CNTNAP2: variants seen among roughly 807,000 people sequenced by gnomAD.
The protein encoded by CNTNAP2 is contactin-associated protein-like 2.
CNTNAP2 carries 98 observed loss-of-function variants against 155.2 expected under a neutral mutation model. The ratio of observed to expected loss-of-function variants is 0.63; its 90% CI spans 0.54 to 0.75. The LOEUF (loss-of-function observed/expected upper bound fraction) is 0.75, where lower values mean the gene tolerates loss of function less well. CNTNAP2 is among the 30% of genes least tolerant of loss of function. The pLI, the probability that CNTNAP2 is intolerant of heterozygous loss-of-function variation, is 0.00. For missense variants in CNTNAP2, 1,727 were observed against 1,688.1 expected, an observed-to-expected ratio of 1.02 and a Z score of -0.40; for synonymous variants, 651 against 631.2, an observed-to-expected ratio of 1.03 and a Z score of -0.47.
intron 8 of CNTNAP2, among the ~76,000 whole-genome samples, chr7:147,231,795 T>G (rs1803686892): frequency 6.6e-6 from 1 of 152,230 alleles, no homozygotes; most frequent in Non-Finnish European, 1.5e-5. Context: ...AACATTGAGT[T>G]GTGTGAGATC....
intron 8 of CNTNAP2, among the ~76,000 whole-genome samples, chr7:147,157,999 T>C (rs1019494170): frequency 7.2e-5 from 11 of 152,120 alleles, no homozygotes; most frequent in African/African-American, 1.9e-4. Flanking sequence ...ACAAAAACAA[T>C]TTATATGCTT....
chr7:147,538,876 T>C lies in CNTNAP2; in HGVS notation c.1778-23262T>C, dbSNP rs1408709428. Reference sequence around the variant, plus strand: ...AAAAGCATTAGGACCCCTAGTAAGATGCTCCAGGGAGTGTGTTTTCAGCTC... The same window carrying C: ...AAAAGCATTAGGACCCCTAGTAAGACGCTCCAGGGAGTGTGTTTTCAGCTC... On this transcript the variant is annotated intron_variant, in intron 11 of 23. Transcript: ENST00000361727. Among the ~76,000 whole-genome samples the C allele has an allele frequency of 2.0e-5, 3 of 152,144 alleles. No individual in the cohort carries two copies. In the East Asian group the frequency reaches 5.8e-4, roughly 29 times the overall value.
chr7:148,115,110 C>G lies in CNTNAP2; in HGVS notation c.2384-3008C>G, dbSNP rs537042666. Among the ~76,000 whole-genome samples the G allele has an allele frequency of 5.3e-5, 8 of 152,330 alleles. No individual in the cohort carries two copies. In the South Asian group the frequency reaches 1.4e-3, roughly 28 times the overall value. On this transcript the variant is annotated intron_variant, in intron 15 of 23. Coordinates refer to ENST00000361727, the MANE Select transcript of CNTNAP2 (RefSeq NM_014141.6). ...AGGCATGACTTCCCCGTGAATGAGT[C>G]TATTCAAGAGATCAAATTAGATTGA...
At chr7:146,615,948 C>T (rs1563157712) in intron 1 of CNTNAP2, among the ~76,000 whole-genome samples, 1 of 152,166 alleles carries the variant, frequency 6.6e-6, no homozygotes, top group Non-Finnish European at 1.5e-5. Flanking sequence ...TTAATACTCA[C>T]GTATTTGCTC....
chr7:147,809,748 G>A (rs1159690848), intron 13 of CNTNAP2, among the ~76,000 whole-genome samples: 1 of 152,064 alleles, frequency 6.6e-6, no homozygotes, highest in African/African-American at 2.4e-5. Flanking sequence ...ATTTGTATAG[G>A]GAATGAGACA....
intron 5 of CNTNAP2, among the ~76,000 whole-genome samples, chr7:147,117,284 G>T (rs1357022352): frequency 6.6e-6 from 1 of 152,126 alleles, no homozygotes; most frequent in Non-Finnish European, 1.5e-5. Context: ...CAAGGCTCTG[G>T]TGTCATGGGC....
At chr7:146,723,156 G>A (rs1463524259) in intron 1 of CNTNAP2, among the ~76,000 whole-genome samples, 1 of 152,100 alleles carries the variant, frequency 6.6e-6, no homozygotes, top group Non-Finnish European at 1.5e-5. Context: ...AAGTTGACTG[G>A]TGTCCTTACA....
At chr7:146,157,638 T>A (rs912263287) in intron 1 of CNTNAP2, among the ~76,000 whole-genome samples, 1 of 152,106 alleles carries the variant, frequency 6.6e-6, no homozygotes, top group Non-Finnish European at 1.5e-5. Flanking sequence ...CACTCACTGC[T>A]AGCACAGCAG....
intron 8 of CNTNAP2, among the ~76,000 whole-genome samples, chr7:147,277,740 G>A (rs12703890): frequency 0.088 from 13,317 of 150,766 alleles, 611 homozygotes; most frequent in South Asian, 0.11. Flanking sequence ...CATTTCTTCC[G>A]TCTATAAAGT....
chr7:147,395,553 T>G, intron 9 of CNTNAP2, 56 bp from the exon 10 acceptor site: 2 of 1,572,510 alleles, frequency 1.3e-6, no homozygotes, highest in South Asian at 2.2e-5. Flanking sequence ...CACAAGAATT[T>G]TAGTGAAGGT....
intron 3 of CNTNAP2, among the ~76,000 whole-genome samples, chr7:146,895,299 G>A (rs1398063564): frequency 5.5e-5 from 6 of 108,464 alleles, no homozygotes; most frequent in East Asian, 2.8e-4. Flanking sequence ...CTTCCCTCCC[G>A]CCCTCCTTCC....
intron 11 of CNTNAP2, among the ~76,000 whole-genome samples, chr7:147,527,355 T>A (rs892912901): frequency 1.3e-5 from 2 of 152,106 alleles, no homozygotes; most frequent in African/African-American, 4.8e-5. Context: ...TTTTATAAAT[T>A]AGAAAACCAA....
At chr7:146,449,708 T>G (rs1460696004) in intron 1 of CNTNAP2, among the ~76,000 whole-genome samples, 1 of 152,166 alleles carries the variant, frequency 6.6e-6, no homozygotes, top group Non-Finnish European at 1.5e-5. Flanking sequence ...GATGGCACCT[T>G]AGACAGAATT....
At chr7:147,038,270 T>G (rs777050647) in intron 3 of CNTNAP2, among the ~76,000 whole-genome samples, 1 of 151,552 alleles carries the variant, frequency 6.6e-6, no homozygotes, top group Non-Finnish European at 1.5e-5. Context: ...AGGCAAACCT[T>G]AGGTAAAGCA....
At position 147,455,568 on chromosome 7, in the gene CNTNAP2, C is replaced by T. The variant is rs1170161965; in HGVS notation, c.1671-30367C>T. Among the ~76,000 whole-genome samples, 3 of 152,012 alleles carry T rather than the reference C, an allele frequency of 2.0e-5. No individual in the cohort carries two copies. The South Asian group carries it at 6.2e-4, about 31-fold the overall frequency. ...AATAACTCTTTGGAAGCTAGAATAACATTATGAGTAAAAAGTAAAATCTTG... is the reference window on the plus strand; with the variant it reads ...AATAACTCTTTGGAAGCTAGAATAATATTATGAGTAAAAAGTAAAATCTTG... On this transcript the variant is annotated intron_variant, in intron 10 of 23. Transcript: ENST00000361727.
At chr7:148,170,775 G>C (rs185756478) in intron 17 of CNTNAP2, among the ~76,000 whole-genome samples, 2 of 152,146 alleles carry the variant, frequency 1.3e-5, no homozygotes, top group Admixed American at 6.5e-5. Flanking sequence ...TGCCACTAAA[G>C]CCTTTGATAT....
At chr7:146,199,736 GA>G (rs1798830163) in intron 1 of CNTNAP2, among the ~76,000 whole-genome samples, 1 of 152,102 alleles carries the variant, frequency 6.6e-6, no homozygotes. Context: ...AGAGAGGGTA[GA>G]AGGAAAAAAT....
At chr7:147,709,778 G>T (rs894323616) in intron 13 of CNTNAP2, among the ~76,000 whole-genome samples, 1 of 152,114 alleles carries the variant, frequency 6.6e-6, no homozygotes, top group Non-Finnish European at 1.5e-5. Context: ...ATTTTGGGAT[G>T]AATTATTCAT....
chr7:147,511,291 T>C (rs1349365526), intron 11 of CNTNAP2, among the ~76,000 whole-genome samples: 1 of 152,054 alleles, frequency 6.6e-6, no homozygotes. Flanking sequence ...CTCTAGCACT[T>C]TTTCTTTTTG....
Sources: gnomAD v4.1 joint callset for allele counts (sites outside exome capture counted in the v4.1 genomes callset) on GRCh38, gnomAD v4.1.1 for gene constraint, MANE v1.5 for transcripts, NCBI Gene and HGNC (gene_info 2026-07-23, HGNC 2026-07-21) for gene names.